Variants in LRRK1 observed in about 807,000 individuals in gnomAD.
The protein encoded by LRRK1 is leucine rich repeat kinase 1.
In LRRK1, 113 loss-of-function variants were observed where a neutral mutation model predicts 209.1. That is an observed-to-expected ratio of 0.54 (90% CI 0.46 to 0.63). The LOEUF is 0.63. Among genes scored for constraint, LRRK1 ranks in the 30% least tolerant of loss-of-function variants. LRRK1 has a pLI of 0.00. For missense variants in LRRK1, 2,284 were observed against 2,632.2 expected, an observed-to-expected ratio of 0.87 and a Z score of 2.89; for synonymous variants, 1,144 against 1,099.7, an observed-to-expected ratio of 1.04 and a Z score of -0.80.
chr15:100,976,022 TA>T (rs2031273552), intron 3 of LRRK1, among the ~76,000 whole-genome samples: 1 of 151,976 alleles, frequency 6.6e-6, no homozygotes, highest in Admixed American at 6.5e-5. Context: ...ATACAAGCAT[TA>T]AAAACATAAT....
chr15:100,938,700 C>T (rs1027922928), intron 2 of LRRK1, among the ~76,000 whole-genome samples: 7 of 151,996 alleles, frequency 4.6e-5, no homozygotes, highest in East Asian at 3.9e-4. Flanking sequence ...ATTTAACATA[C>T]GTTTAAATGT....
chr15:100,962,046 G>A (rs556228367), intron 2 of LRRK1, among the ~76,000 whole-genome samples: 40 of 152,166 alleles, frequency 2.6e-4, no homozygotes, highest in African/African-American at 6.3e-4. Context: ...GTCAAGATTC[G>A]GTAGATTGAG....
intron 1 of LRRK1, among the ~76,000 whole-genome samples, chr15:100,923,260 A>G (rs2042050556): frequency 6.6e-6 from 1 of 152,164 alleles, no homozygotes; most frequent in Non-Finnish European, 1.5e-5. Flanking sequence ...ACAGGTGAAA[A>G]CTGAGACACA....
intron 17 of LRRK1, among the ~76,000 whole-genome samples, chr15:101,026,660 C>G: frequency 6.6e-6 from 1 of 152,384 alleles, no homozygotes; most frequent in East Asian, 1.9e-4. Context: ...CACAACAGCC[C>G]TGCAGGTTGT....
intron 9 of LRRK1, 149 bp downstream of exon 9, chr15:101,010,986 C>T (rs1172583149): frequency 1.4e-6 from 1 of 695,316 alleles, no homozygotes; most frequent in Non-Finnish European, 2.3e-6. Context: ...AGCATCGTCA[C>T]TCAGCATACA....
chr15:101,005,387 C>G (rs2032895666), intron 6 of LRRK1, among the ~76,000 whole-genome samples: 1 of 151,916 alleles, frequency 6.6e-6, no homozygotes, highest in Admixed American at 6.5e-5. Flanking sequence ...ACTTATTTAA[C>G]AGATTAAAAA....
At chr15:100,941,400 CTGTGTGTGTCTCTGTG>C (rs2042418866) in intron 2 of LRRK1, among the ~76,000 whole-genome samples, 1 of 81,766 alleles carries the variant, frequency 1.2e-5, no homozygotes, top group African/African-American at 7.3e-5. Flanking sequence ...CTGTGTGTGT[CTGTGTGTGTCTCTGTG>C]TGTGTGTGTG....
intron 2 of LRRK1, among the ~76,000 whole-genome samples, chr15:100,963,303 C>T (rs1051642526): frequency 6.6e-6 from 1 of 152,162 alleles, no homozygotes; most frequent in Non-Finnish European, 1.5e-5. Context: ...TTCTGAAGCA[C>T]CAGCAGGTAT....
chr15:101,030,669 A>G (rs1596298767), intron 20 of LRRK1, among the ~76,000 whole-genome samples: 1 of 152,262 alleles, frequency 6.6e-6, no homozygotes, highest in East Asian at 1.9e-4. Flanking sequence ...ACCTGGAATG[A>G]CATGGCCCTG....
At chr15:101,066,611 G>C (rs529827651) in intron 32 of LRRK1, 29 bp from the exon 33 acceptor site, 1 of 1,605,968 alleles carries the variant, frequency 6.2e-7, no homozygotes, top group African/African-American at 1.3e-5. Context: ...CCGACAAATC[G>C]CTTCCCCTTC....
chr15:100,942,421 T>C (rs956125984), intron 2 of LRRK1, among the ~76,000 whole-genome samples: 2 of 152,202 alleles, frequency 1.3e-5, no homozygotes, highest in Non-Finnish European at 2.9e-5. Context: ...GGGAAAATGA[T>C]AATAATATTA....
intron 20 of LRRK1, 65 bp downstream of exon 20, chr15:101,029,297 G>A (rs1358393261): frequency 3.4e-6 from 5 of 1,478,320 alleles, no homozygotes; most frequent in East Asian, 2.3e-5. Flanking sequence ...GTTGGGGTCT[G>A]GAGCCACTGG....
chr15:101,040,370 T>C (rs2034692061), intron 20 of LRRK1, among the ~76,000 whole-genome samples: 1 of 152,136 alleles, frequency 6.6e-6, no homozygotes, highest in South Asian at 2.1e-4. Flanking sequence ...TGTAGTGATA[T>C]GCTCTCTCTC....
chr15:101,014,982 A>C (rs2033458602), intron 11 of LRRK1, among the ~76,000 whole-genome samples: 1 of 152,228 alleles, frequency 6.6e-6, no homozygotes, highest in African/African-American at 2.4e-5. Context: ...TCACTAACTG[A>C]AATGGACGTG....
rs182319376 is a variant in LRRK1, at chr15:100,929,689, T to G, written c.97+4960T>G. On this transcript the variant is annotated intron_variant, in intron 2 of 33. Transcript: ENST00000388948. ...CACATCTCTGACCTGTTCCTCCTGT[T>G]GGATTCCTGCCTGAACGTGCTGGGC... 6.6e-5 allele frequency among the ~76,000 whole-genome samples: 10 copies of G among 152,352 alleles called. No individual in the cohort carries two copies. The East Asian group carries it at 1.9e-3, about 29-fold the overall frequency.
intron 6 of LRRK1, among the ~76,000 whole-genome samples, chr15:101,003,226 T>A (rs2032786356): frequency 6.6e-6 from 1 of 152,206 alleles, no homozygotes; most frequent in Admixed American, 6.5e-5. Context: ...TCCAAGCATG[T>A]CTATTTTCCG....
intron 20 of LRRK1, among the ~76,000 whole-genome samples, chr15:101,029,693 C>T (rs1471222311): frequency 6.6e-6 from 1 of 152,016 alleles, no homozygotes; most frequent in Non-Finnish European, 1.5e-5. Context: ...CATGGTGAAA[C>T]CCCGTTTCTA....
rs954117551 is a variant in LRRK1, at chr15:100,973,851, G to T, written c.145G>T (p.Ala49Ser). The stretch of plus-strand genomic sequence containing the variant: ...GCCGTCCACGCGGGGCGGTGACCCT[G>T]CAGCGCGGTCCCGCAGGACGGAAGG... Reference protein sequence around the residue: ...GKPSTRGGDPAARSRRTEGIR... With the variant: ...GKPSTRGGDPSARSRRTEGIR... Residue 49 changes from alanine (A) to serine (S), a missense_variant, in exon 3 of 34, where the codon GCA becomes TCA. By Grantham distance (99) the Ala-to-Ser change is moderately conservative (BLOSUM62 1). Transcript: ENST00000388948. The T allele has an allele frequency of 1.8e-5, 23 of 1,292,012 alleles. No homozygotes were observed. The highest frequency in any genetic ancestry group is 2.1e-5 in the Non-Finnish European group (21 of 1,016,076). The allele number at this position is 1,292,012 out of a possible 1,614,324, so 80.0% of individuals were successfully genotyped here. A position where few individuals can be genotyped will look rare whatever the true frequency, so the allele number is the denominator to read the frequency against.
intron 2 of LRRK1, among the ~76,000 whole-genome samples, chr15:100,947,216 C>T (rs1212013246): frequency 6.6e-6 from 1 of 152,162 alleles, no homozygotes; most frequent in African/African-American, 2.4e-5. Context: ...CTCGGCCTCC[C>T]AAAGTGCTGG....
Sources: gnomAD v4.1 joint callset for allele counts (sites outside exome capture counted in the v4.1 genomes callset) on GRCh38, gnomAD v4.1.1 for gene constraint, MANE v1.5 for transcripts, NCBI Gene and HGNC (gene_info 2026-07-23, HGNC 2026-07-21) for gene names.